Variants in NCS1 observed in about 807,000 individuals in gnomAD.
NCS1 encodes neuronal calcium sensor 1.
NCS1 carries 6 observed loss-of-function variants against 28.4 expected under a neutral mutation model. The observed-to-expected ratio is 0.21, with a 90% confidence interval of 0.12 to 0.42. The LOEUF is 0.42. NCS1 is among the 10% of genes least tolerant of loss of function. The pLI is 1.00. For synonymous variants in NCS1, 86 were observed against 99.3 expected (o/e 0.87, Z 0.79); for missense variants, 131 against 241.4 (o/e 0.54, Z 3.03).
In NCS1 at chr9:130,209,447, G is replaced by A. The variant is rs567550127; in HGVS notation, c.90-8385G>A. ...TAGAGGCCAAAGTGGAGTTGGACCC[G>A]TGTGTCCTGGGAGCATTCAATCATT... On this transcript the variant is annotated intron_variant, in intron 2 of 7. Transcript: ENST00000372398. The surrounding 1 kb of genome is among the most constrained non-coding windows in gnomAD (Gnocchi z 4.4). Among the ~76,000 whole-genome samples the A allele has an allele frequency of 3.9e-5, 6 of 152,328 alleles. No homozygotes were observed. In the South Asian group the frequency reaches 1.0e-3, roughly 26 times the overall value.
chr9:130,183,954 C>T (rs1043195265), intron 1 of NCS1, among the ~76,000 whole-genome samples: 45 of 151,876 alleles, frequency 3.0e-4, no homozygotes, highest in African/African-American at 1.0e-3. Flanking sequence ...GGACCACAGG[C>T]GCCCGCCACC....
intron 1 of NCS1, among the ~76,000 whole-genome samples, chr9:130,195,123 C>T (rs1223562313): frequency 1.3e-5 from 2 of 152,236 alleles, no homozygotes; most frequent in Admixed American, 6.5e-5. Context: ...CCCTCCTCTT[C>T]CTGCTAGATG....
rs1418409216 is a variant in NCS1, at chr9:130,186,307, C to T, written c.64+13580C>T. On this transcript the variant is annotated intron_variant, in intron 1 of 7. Coordinates refer to ENST00000372398, the MANE Select transcript of NCS1 (RefSeq NM_014286.4). This position sits in a 1 kb window ranked among gnomAD's most constrained non-coding sequence, Gnocchi z 4.1. ...TCAAGACAGGGCTTTGCACAATGGA[C>T]TGGGAATCTCCCTGGTCTGGGGTGC... 8.5e-5 allele frequency among the ~76,000 whole-genome samples: 13 copies of T among 152,134 alleles called. No individual in the cohort carries two copies. The highest frequency in any genetic ancestry group is 3.1e-4 in the African/African-American group (13 of 41,416).
At chr9:130,208,347 T>C (rs1833056946) in intron 2 of NCS1, among the ~76,000 whole-genome samples, 1 of 152,024 alleles carries the variant, frequency 6.6e-6, no homozygotes, top group African/African-American at 2.4e-5. Flanking sequence ...TGGTACAATC[T>C]TGGCTCACTG....
intron 3 of NCS1, among the ~76,000 whole-genome samples, chr9:130,218,404 G>A (rs941627641): frequency 1.3e-5 from 2 of 152,194 alleles, no homozygotes; most frequent in Admixed American, 6.5e-5. Context: ...GTGCACACAC[G>A]TGTACACACA....
intron 3 of NCS1, 150 bp downstream of exon 3, chr9:130,218,120 G>A (rs575569828): frequency 9.2e-6 from 9 of 982,664 alleles, no homozygotes; most frequent in East Asian, 5.0e-5. Context: ...ATACATAGTC[G>A]CACATAAATG....
intron 2 of NCS1, among the ~76,000 whole-genome samples, chr9:130,213,381 C>T (rs999109120): frequency 3.0e-4 from 45 of 148,204 alleles, no homozygotes; most frequent in African/African-American, 1.0e-3. Context: ...GGGTTCTCAC[C>T]ATTCTCCTGC....
intron 2 of NCS1, among the ~76,000 whole-genome samples, chr9:130,205,756 C>T (rs1554908018): frequency 6.6e-6 from 1 of 151,406 alleles, no homozygotes; most frequent in South Asian, 2.1e-4. Flanking sequence ...ATCGCTTGGG[C>T]CCCAGAGGTC....
chr9:130,231,629 G>A (rs969866184), intron 7 of NCS1, among the ~76,000 whole-genome samples: 59 of 152,076 alleles, frequency 3.9e-4, no homozygotes, highest in Middle Eastern at 3.4e-3. Context: ...GGTGATCCGC[G>A]TACCTTGGCT....
At chr9:130,185,068 C>A (rs1455543213) in intron 1 of NCS1, among the ~76,000 whole-genome samples, 1 of 152,200 alleles carries the variant, frequency 6.6e-6, no homozygotes, top group Non-Finnish European at 1.5e-5. Flanking sequence ...CCTCTGCTTC[C>A]TCCCACTGGC....
chr9:130,197,609 G>T (rs1030376576), intron 1 of NCS1, among the ~76,000 whole-genome samples: 1 of 152,154 alleles, frequency 6.6e-6, no homozygotes, highest in East Asian at 1.9e-4. Flanking sequence ...CCTGGCTGGC[G>T]GGAGGGCTGG....
chr9:130,229,045 A>G (rs1833458970), intron 7 of NCS1, among the ~76,000 whole-genome samples: 1 of 152,092 alleles, frequency 6.6e-6, no homozygotes, highest in South Asian at 2.1e-4. Flanking sequence ...TTGAAGAGAC[A>G]TTGAAAATAT....
chr9:130,204,570 C>T (rs928158691), intron 2 of NCS1, among the ~76,000 whole-genome samples: 24 of 152,162 alleles, frequency 1.6e-4, no homozygotes, highest in African/African-American at 5.5e-4. Context: ...ACGGCAGGTG[C>T]GAGCCACTGC....
rs1187703833 is a variant in NCS1 at position 130,236,566 on chromosome 9, A to G, written c.*3594A>G. The G allele has an allele frequency of 7.1e-6, 1 of 141,002 alleles. No homozygotes were observed. The highest frequency in any genetic ancestry group is 2.6e-5 in the African/African-American group (1 of 38,958). The allele number at this position is 141,002 out of a possible 1,614,324, so 8.7% of individuals were successfully genotyped here. A position where few individuals can be genotyped will look rare whatever the true frequency, so the allele number is the denominator to read the frequency against. On this transcript the variant is annotated 3_prime_UTR_variant, in exon 8 of 8. Transcript: ENST00000372398. ...CCCCCCTCTTTTTTTTTTTTTTTTA[A>G]TATCTGCGGAATAAACCCAATGGTT...
At chr9:130,199,073 T>C (rs1398723616) in intron 1 of NCS1, among the ~76,000 whole-genome samples, 2 of 148,272 alleles carry the variant, frequency 1.3e-5, no homozygotes, top group South Asian at 4.3e-4. Context: ...CATCTCCCGC[T>C]GTTGCCTTCT....
Position 130,226,931 on chromosome 9 carries a change from G to A in NCS1, c.*17+427G>A, listed in dbSNP as rs781797295. 1.3e-5 allele frequency among the ~76,000 whole-genome samples: 2 copies of A among 150,104 alleles called. No individual in the cohort carries two copies. The highest frequency in any genetic ancestry group is 3.0e-5 in the Non-Finnish European group (2 of 67,760). ...TCAGCTACTTGGGAGGCTGAGGCAG[G>A]AGAACCGCTTGAACCCAGGAGGTGG... On this transcript the variant is annotated intron_variant, in intron 7 of 7. Coordinates refer to ENST00000372398, the MANE Select transcript of NCS1 (RefSeq NM_014286.4). This position sits in a 1 kb window ranked among gnomAD's most constrained non-coding sequence, Gnocchi z 4.8.
chr9:130,175,469 T>G lies in NCS1; in HGVS notation c.64+2742T>G, dbSNP rs1347065151. On this transcript the variant is annotated intron_variant, in intron 1 of 7. Coordinates refer to ENST00000372398, the MANE Select transcript of NCS1 (RefSeq NM_014286.4). The surrounding 1 kb of genome is among the most constrained non-coding windows in gnomAD (Gnocchi z 4.9). ...TTTAGGTCTGGCTGGGGCCCAGGAA[T>G]TTGCATCCTTGACACGTGTTTGTGC... Among the ~76,000 whole-genome samples, 4 of 152,180 alleles carry G rather than the reference T, an allele frequency of 2.6e-5. No homozygotes were observed. The highest frequency in any genetic ancestry group is 9.6e-5 in the African/African-American group (4 of 41,462).
rs1276180628 is a variant in NCS1, at chr9:130,186,983, G to A, written c.65-13975G>A. Among the ~76,000 whole-genome samples the A allele has an allele frequency of 6.6e-6, 1 of 152,212 alleles. No individual in the cohort carries two copies. Among genetic ancestry groups the A allele is most frequent in the African/African-American group, 2.4e-5 (1 of 41,454 alleles). On this transcript the variant is annotated intron_variant, in intron 1 of 7. Coordinates refer to ENST00000372398, the MANE Select transcript of NCS1 (RefSeq NM_014286.4). This position sits in a 1 kb window ranked among gnomAD's most constrained non-coding sequence, Gnocchi z 4.1. Reference sequence around the variant, plus strand: ...AAGTCCCTTGGCCTCTCCAAGCTTCGGTTTCCTGGTTGTGGAGTGGGGTTG... The same window carrying A: ...AAGTCCCTTGGCCTCTCCAAGCTTCAGTTTCCTGGTTGTGGAGTGGGGTTG...
chr9:130,217,828 C>A lies in NCS1; in HGVS notation c.90-4C>A. ...CCCTCTCTGGCCCGGTCTGCTGCCT[C>A]CAGGTACAAAGGCTTCATCAAGGAC... On this transcript the variant is annotated splice_region_variant and splice_polypyrimidine_tract_variant and intron_variant, in intron 2 of 7. Transcript: ENST00000372398. 1 of 1,614,166 alleles carries A rather than the reference C, an allele frequency of 6.2e-7. No individual in the cohort carries two copies. Among genetic ancestry groups the A allele is most frequent in the Non-Finnish European group, 8.5e-7 (1 of 1,180,020 alleles).
Sources: gnomAD v4.1 joint callset for allele counts (sites outside exome capture counted in the v4.1 genomes callset) on GRCh38, gnomAD v4.1.1 for gene constraint, Gnocchi (gnomAD v3.1) non-coding constraint, MANE v1.5 for transcripts, NCBI Gene and HGNC (gene_info 2026-07-23, HGNC 2026-07-21) for gene names.